Variants in GRIK2 observed in about 807,000 individuals in gnomAD.
The protein encoded by GRIK2 is glutamate receptor ionotropic, kainate 2.
A neutral mutation model predicts 100.3 loss-of-function variants in GRIK2; 32 were observed. That is an observed-to-expected ratio of 0.32 (90% CI 0.24 to 0.43). The LOEUF (loss-of-function observed/expected upper bound fraction) is 0.43. Among genes scored for constraint, GRIK2 ranks in the 20% least tolerant of loss-of-function variants. GRIK2 has a pLI of 1.00. For synonymous variants in GRIK2, 417 were observed against 389.4 expected, an observed-to-expected ratio of 1.07 and a Z score of -0.83; for missense variants, 843 against 1,114.9, an observed-to-expected ratio of 0.76 and a Z score of 3.47.
At chr6:101,883,304 T>A (rs191761582) in intron 11 of GRIK2, among the ~76,000 whole-genome samples, 12 of 148,350 alleles carry the variant, frequency 8.1e-5, no homozygotes, top group Admixed American at 4.7e-4. Flanking sequence ...ATAATAATAA[T>A]AATAATAATA....
chr6:101,516,115 A>G (rs1313770477), intron 2 of GRIK2, among the ~76,000 whole-genome samples: 1 of 152,106 alleles, frequency 6.6e-6, no homozygotes, highest in African/African-American at 2.4e-5. Flanking sequence ...AACACATCCC[A>G]TGCTCATGGA....
chr6:101,594,939 C>G (rs186391403), intron 2 of GRIK2, among the ~76,000 whole-genome samples: 160 of 150,588 alleles, frequency 1.1e-3, no homozygotes, highest in African/African-American at 3.7e-3. Flanking sequence ...AAATTTTAGA[C>G]AAATAAGCAT....
chr6:101,942,611 G>T (rs1036291424), intron 14 of GRIK2, among the ~76,000 whole-genome samples: 4 of 152,216 alleles, frequency 2.6e-5, no homozygotes, highest in African/African-American at 9.6e-5. Flanking sequence ...TTAGAAAAGA[G>T]ACTGGTGGCA....
chr6:101,686,431 C>T, intron 7 of GRIK2, 78 bp downstream of exon 7: 16 of 990,676 alleles, frequency 1.6e-5, no homozygotes, highest in Non-Finnish European at 2.0e-5. Flanking sequence ...GGTTTATATG[C>T]ATACATATAA....
chr6:101,965,900 G>C (rs1190734467), intron 14 of GRIK2, among the ~76,000 whole-genome samples: 1 of 151,982 alleles, frequency 6.6e-6, no homozygotes, highest in Non-Finnish European at 1.5e-5. Flanking sequence ...TAACTGATAT[G>C]TTTCCCTAAA....
intron 2 of GRIK2, among the ~76,000 whole-genome samples, chr6:101,407,804 T>C (rs1775671160): frequency 6.6e-6 from 1 of 152,184 alleles, no homozygotes; most frequent in Admixed American, 6.6e-5. Flanking sequence ...AGAAAAGATA[T>C]GTACATATTA....
intron 2 of GRIK2, among the ~76,000 whole-genome samples, chr6:101,508,294 A>T (rs906668547): frequency 1.5e-4 from 23 of 152,252 alleles, no homozygotes; most frequent in Middle Eastern, 3.4e-3. Flanking sequence ...ATCACAGTAA[A>T]TGAGATAAGT....
chr6:101,513,629 TA>T (rs1774431121), intron 2 of GRIK2, among the ~76,000 whole-genome samples: 1 of 152,142 alleles, frequency 6.6e-6, no homozygotes, highest in African/African-American at 2.4e-5. Flanking sequence ...GGAAAGTAAA[TA>T]ATGATATATA....
chr6:101,404,825 A>T (rs903321781), intron 2 of GRIK2, among the ~76,000 whole-genome samples: 1 of 152,188 alleles, frequency 6.6e-6, no homozygotes, highest in African/African-American at 2.4e-5. Context: ...TAGCATGAAA[A>T]GTGAGGTCAG....
chr6:101,398,397 A>C (rs1775102702), intron 1 of GRIK2, among the ~76,000 whole-genome samples: 1 of 152,234 alleles, frequency 6.6e-6, no homozygotes, highest in South Asian at 2.1e-4. Flanking sequence ...CAATCAAGGA[A>C]TACCCCAGTC....
At position 101,955,617 on chromosome 6, in the gene GRIK2, C is replaced by CTCTCTCTCTCTCTCTCTCTCTCT. The variant is rs1376723314; in HGVS notation, c.2085+26985_2085+26986insTCTCTCTCTCTCTCTCTCTCTCT. 2.1e-3 allele frequency among the ~76,000 whole-genome samples: 242 copies of CTCTCTCTCTCTCTCTCTCTCTCT among 116,386 alleles called. 21 individuals carry two copies. Among genetic ancestry groups the CTCTCTCTCTCTCTCTCTCTCTCT allele is most frequent in the Middle Eastern group, 4.8e-3 (1 of 208 alleles). 76.4% of individuals were successfully genotyped at this position (116,386 alleles called of 152,430 possible). On this transcript the variant is annotated intron_variant, in intron 14 of 16. Transcript: ENST00000369134. ...CTCTCTCTCTCTCTCTCTCTCTCTC[C>CTCTCTCTCTCTCTCTCTCTCTCT]CCCCCATTTCTTTTACAGTCAGATT...
At position 101,946,752 on chromosome 6, in the gene GRIK2, T is replaced by C. The variant is rs116005954; in HGVS notation, c.2085+18120T>C. ...TTCTACTGCTCAAAGGACTGGAGGG[T>C]GTTTAAAAGTTGGAGAGGGGGATGG... On this transcript the variant is annotated intron_variant, in intron 14 of 16. Transcript: ENST00000369134. 5.3e-3 allele frequency among the ~76,000 whole-genome samples: 802 copies of C among 151,888 alleles called. 6 individuals carry two copies. The highest frequency in any genetic ancestry group is 0.018 in the African/African-American group (759 of 41,418).
intron 10 of GRIK2, among the ~76,000 whole-genome samples, chr6:101,847,803 A>G (rs1783896556): frequency 6.6e-6 from 1 of 151,984 alleles, no homozygotes; most frequent in South Asian, 2.1e-4. Flanking sequence ...CCTTGACTAT[A>G]CGGGAGCTTG....
At chr6:101,440,184 A>G (rs1769965276) in intron 2 of GRIK2, among the ~76,000 whole-genome samples, 2 of 152,192 alleles carry the variant, frequency 1.3e-5, no homozygotes, top group Admixed American at 1.3e-4. Context: ...CTTGAAAAAG[A>G]ATCTACTAAA....
At chr6:101,924,829 C>A (rs941349088) in intron 13 of GRIK2, 110 bp downstream of exon 13, 2 of 686,350 alleles carry the variant, frequency 2.9e-6, no homozygotes, top group Non-Finnish European at 5.3e-6. Context: ...GTGCATGTAA[C>A]CATAATCCAG....
chr6:101,926,185 G>T (rs950019436), intron 13 of GRIK2, among the ~76,000 whole-genome samples: 1 of 146,674 alleles, frequency 6.8e-6, no homozygotes, highest in Non-Finnish European at 1.5e-5. Context: ...CTTACATTTT[G>T]GGTCCAAGGG....
chr6:101,744,851 G>A (rs1486909125), intron 7 of GRIK2: 1 of 152,022 alleles, frequency 6.6e-6, no homozygotes, highest in African/African-American at 2.4e-5. Flanking sequence ...AAAGTGCTGG[G>A]ATTACAGGCA....
At chr6:101,700,799 C>A (rs1444862583) in intron 7 of GRIK2, among the ~76,000 whole-genome samples, 4 of 152,104 alleles carry the variant, frequency 2.6e-5, no homozygotes, top group Non-Finnish European at 2.9e-5. Context: ...CACACTCCAG[C>A]AGGTAGCAGG....
Position 101,411,010 on chromosome 6 carries a change from A to G in GRIK2, c.115+11618A>G, listed in dbSNP as rs79827400. On this transcript the variant is annotated intron_variant, in intron 2 of 16. Transcript: ENST00000369134. ...TTGTGTTTCTGGAAACAGCCTTCCC[A>G]TGATGCAGAGCGGATGTTGGAATAT... Among the ~76,000 whole-genome samples the G allele has an allele frequency of 8.7e-3, 1,320 of 152,168 alleles. 26 individuals carry two copies. The highest frequency in any genetic ancestry group is 0.03 in the African/African-American group (1,259 of 41,548).
Sources: gnomAD v4.1 joint callset for allele counts (sites outside exome capture counted in the v4.1 genomes callset) on GRCh38, gnomAD v4.1.1 for gene constraint, MANE v1.5 for transcripts, NCBI Gene and HGNC (gene_info 2026-07-23, HGNC 2026-07-21) for gene names.